The following KCNQ3 variants were observed in gnomAD, a reference collection of about 807,000 sequenced individuals.
KCNQ3 encodes the protein potassium voltage-gated channel subfamily KQT member 3.
A neutral mutation model predicts 92.5 loss-of-function variants in KCNQ3; 30 were observed. The ratio of observed to expected loss-of-function variants is 0.32; its 90% confidence interval spans 0.24 to 0.44. The LOEUF is 0.44. Among genes scored for constraint, KCNQ3 ranks in the 20% least tolerant of loss-of-function variants. The probability of loss-of-function intolerance (pLI) is 1.00; values close to 1 mark genes in which losing one functional copy is unlikely to be tolerated. For missense variants in KCNQ3, 913 were observed against 1,140.3 expected (o/e 0.80, Z 2.87); for synonymous variants, 450 against 468.8 (o/e 0.96, Z 0.52).
chr8:132,162,883 T>C (rs954743634), intron 9 of KCNQ3, among the ~76,000 whole-genome samples: 4 of 152,168 alleles, frequency 2.6e-5, no homozygotes, highest in Non-Finnish European at 4.4e-5. Flanking sequence ...AGGAGATTGA[T>C]TGTGAGGACT....
chr8:132,395,453 G>A (rs966350173), intron 1 of KCNQ3, among the ~76,000 whole-genome samples: 1 of 152,150 alleles, frequency 6.6e-6, no homozygotes, highest in Non-Finnish European at 1.5e-5. Flanking sequence ...CTTAGAGTCT[G>A]GTTTGACATA....
intron 1 of KCNQ3, among the ~76,000 whole-genome samples, chr8:132,376,759 G>A (rs1819620004): frequency 6.6e-6 from 1 of 152,158 alleles, no homozygotes; most frequent in Non-Finnish European, 1.5e-5. Flanking sequence ...GAAAATCAGA[G>A]CAGGAATTGT....
intron 1 of KCNQ3, among the ~76,000 whole-genome samples, chr8:132,298,441 T>C (rs1319616788): frequency 2.0e-5 from 3 of 152,160 alleles, no homozygotes; most frequent in Non-Finnish European, 4.4e-5. Flanking sequence ...GGGAAGTATG[T>C]ACCAGGCAAA....
At chr8:132,270,017 T>C (rs1446940355) in intron 1 of KCNQ3, among the ~76,000 whole-genome samples, 1 of 152,166 alleles carries the variant, frequency 6.6e-6, no homozygotes, top group Non-Finnish European at 1.5e-5. Flanking sequence ...TGATTAATTG[T>C]TGAGTAGTTT....
At chr8:132,180,370 G>A (rs2130157614) in intron 3 of KCNQ3, 41 bp from the exon 4 acceptor site, 2 of 1,608,912 alleles carry the variant, frequency 1.2e-6, no homozygotes, top group Non-Finnish European at 8.5e-7. Flanking sequence ...AAGAGGGAAA[G>A]GAAGGTCATG....
chr8:132,270,785 C>G (rs1466723347), intron 1 of KCNQ3, among the ~76,000 whole-genome samples: 4 of 152,162 alleles, frequency 2.6e-5, no homozygotes, highest in Non-Finnish European at 5.9e-5. Context: ...ATTTGCCAAC[C>G]CTTAGACTGC....
chr8:132,311,625 G>A (rs552492299), intron 1 of KCNQ3, among the ~76,000 whole-genome samples: 6 of 152,314 alleles, frequency 3.9e-5, no homozygotes, highest in African/African-American at 1.4e-4. Context: ...TTCATTGACT[G>A]TATTTGAAGA....
At position 132,172,616 on chromosome 8, in the gene KCNQ3, T is replaced by C. The variant is rs1213547068; in HGVS notation, c.1122A>G (p.Pro374=). ...GACAGACCTGAATGAGCTCAGCAGC[T>C]GGCTTCCTCCTTTTCTCAAAGTGCT... ...RQKHFEKRRK[P]AAELIQAAWR... The change falls in exon 7 of 15, where the codon CCA becomes CCG. Residue 374 remains proline, a synonymous_variant. Coordinates refer to ENST00000388996, the MANE Select transcript of KCNQ3 (RefSeq NM_004519.4). 1 of 1,614,160 alleles carries C rather than the reference T, an allele frequency of 6.2e-7. No homozygotes were observed.
intron 1 of KCNQ3, among the ~76,000 whole-genome samples, chr8:132,372,435 C>A (rs115770135): frequency 6.6e-6 from 1 of 152,214 alleles, no homozygotes; most frequent in Admixed American, 6.5e-5. Context: ...TCCCCCAGGG[C>A]TGTTCTGAGA....
intron 1 of KCNQ3, among the ~76,000 whole-genome samples, chr8:132,307,140 T>A (rs1817450576): frequency 6.6e-6 from 1 of 152,056 alleles, no homozygotes; most frequent in Non-Finnish European, 1.5e-5. Flanking sequence ...GGAGCCTGAG[T>A]TTGTGGTACC....
chr8:132,468,313 T>C (rs1182516122), intron 1 of KCNQ3, among the ~76,000 whole-genome samples: 1 of 152,202 alleles, frequency 6.6e-6, no homozygotes, highest in Non-Finnish European at 1.5e-5. Context: ...TTAGGACACA[T>C]GGCCTGGGCT....
intron 9 of KCNQ3, among the ~76,000 whole-genome samples, chr8:132,156,878 A>C (rs1321567423): frequency 6.6e-6 from 1 of 152,096 alleles, no homozygotes; most frequent in African/African-American, 2.4e-5. Flanking sequence ...AATGAGAGGG[A>C]GTTTGGGACA....
intron 1 of KCNQ3, among the ~76,000 whole-genome samples, chr8:132,398,920 C>T (rs1381579491): frequency 6.6e-6 from 1 of 152,228 alleles, no homozygotes; most frequent in African/African-American, 2.4e-5. Context: ...AAGTTAAAGG[C>T]TGCAGTGGTG....
chr8:132,193,323 T>C (rs574907119), intron 1 of KCNQ3, among the ~76,000 whole-genome samples: 14 of 152,258 alleles, frequency 9.2e-5, no homozygotes, highest in Admixed American at 2.6e-4. Context: ...CAAGCCCAGG[T>C]TGGGGAGGAC....
chr8:132,336,913 C>A (rs1216390408), intron 1 of KCNQ3, among the ~76,000 whole-genome samples: 1 of 152,174 alleles, frequency 6.6e-6, no homozygotes, highest in South Asian at 2.1e-4. Context: ...TGGGCCTCTA[C>A]AGGAATCTAG....
intron 1 of KCNQ3, among the ~76,000 whole-genome samples, chr8:132,264,686 C>T (rs1174831268): frequency 6.6e-6 from 1 of 152,174 alleles, no homozygotes; most frequent in African/African-American, 2.4e-5. Context: ...ACAGCAGATC[C>T]CATTTGTCTG....
chr8:132,194,899 A>G (rs1006654363), intron 1 of KCNQ3, among the ~76,000 whole-genome samples: 6 of 152,090 alleles, frequency 3.9e-5, no homozygotes, highest in South Asian at 4.2e-4. Flanking sequence ...TGGTCTCTCA[A>G]CTCCCAGCCT....
chr8:132,186,249 G>A, intron 1 of KCNQ3, 68 bp from the exon 2 acceptor site: 1 of 1,122,200 alleles, frequency 8.9e-7, no homozygotes, highest in Non-Finnish European at 1.4e-6. Flanking sequence ...CTAAGATGGG[G>A]AAAGGTGTCT....
chr8:132,287,313 C>T (rs1816705656), intron 1 of KCNQ3, among the ~76,000 whole-genome samples: 1 of 152,116 alleles, frequency 6.6e-6, no homozygotes, highest in African/African-American at 2.4e-5. Context: ...GGTATAAAAC[C>T]AGAGAGAGTG....
Sources: allele counts gnomAD v4.1 joint callset (sites outside exome capture counted in the v4.1 genomes callset), GRCh38; gene constraint gnomAD v4.1.1; transcripts MANE v1.5; gene names NCBI Gene and HGNC (gene_info 2026-07-23, HGNC 2026-07-21).